Variants in ANKAR observed in about 807,000 individuals in gnomAD.
ANKAR encodes ankyrin and armadillo repeat containing, also known as ankyrin and armadillo repeat-containing protein.
A neutral mutation model predicts 146.2 loss-of-function variants in ANKAR; 136 were observed. The ratio of observed to expected loss-of-function variants is 0.93; its 90% CI spans 0.81 to 1.07. ANKAR has a LOEUF of 1.07. Among genes scored for constraint, ANKAR ranks in the 50% least tolerant of loss-of-function variants. The pLI, the probability that ANKAR is intolerant of heterozygous loss-of-function variation, is 0.00. For missense variants in ANKAR, 1,567 were observed against 1,679.9 expected (o/e 0.93, Z 1.18); for synonymous variants, 500 against 575.8 (o/e 0.87, Z 1.88).
Position 189,686,390 on chromosome 2 carries a change from CTATT to C in ANKAR, c.602-3135_602-3132del, listed in dbSNP as rs371014857. On this transcript the variant is annotated intron_variant, in intron 2 of 22. Coordinates refer to ENST00000684021, the MANE Select transcript of ANKAR (RefSeq NM_001378068.1). ...TGTAGATATAACTATCTTAAAAAGA[CTATT>C]TGACAAGAAGAAAGTCCTCAATTTC... Among the ~76,000 whole-genome samples, 14 of 152,252 alleles carry C rather than the reference CTATT, an allele frequency of 9.2e-5. No individual in the cohort carries two copies. In the South Asian group the frequency reaches 2.9e-3, roughly 32 times the overall value.
At position 189,689,848 on chromosome 2, in the gene ANKAR, A is replaced by G. The variant is rs564777825; in HGVS notation, c.923A>G (p.Asp308Gly). Residue 308 changes from aspartate to glycine, a missense_variant, in exon 3 of 23, where the codon GAT becomes GGT. Asp to Gly is a moderately conservative substitution (Grantham distance 94, BLOSUM62 -1). Coordinates refer to ENST00000684021, the MANE Select transcript of ANKAR (RefSeq NM_001378068.1). ...IIQKHFEKKK[D>G]IRRGIGYLKL... is the part of the protein sequence containing the mutation. ...CAAAAACACTTTGAGAAGAAAAAAGATATCAGAAGAGGGATAGGATACCTA... is the reference window on the plus strand; with the variant it reads ...CAAAAACACTTTGAGAAGAAAAAAGGTATCAGAAGAGGGATAGGATACCTA... 1.3e-4 allele frequency: 208 copies of G among 1,603,954 alleles called. No homozygotes were observed. In the East Asian group the frequency reaches 4.6e-3, roughly 35 times the overall value.
intron 2 of ANKAR, among the ~76,000 whole-genome samples, chr2:189,680,395 G>C (rs1310876893): frequency 2.0e-5 from 3 of 151,654 alleles, no homozygotes; most frequent in African/African-American, 7.3e-5. Flanking sequence ...CCAGCTTTTT[G>C]TTTCATTTAT....
At position 189,745,027 on chromosome 2, in the gene ANKAR, C is replaced by CTAATAATAATAA. The variant is rs1553537043; in HGVS notation, c.4057+247_4057+248insATAATAATAATA. On this transcript the variant is annotated intron_variant, in intron 22 of 22. Coordinates refer to ENST00000684021, the MANE Select transcript of ANKAR (RefSeq NM_001378068.1). ...ACTACTACTACTACTACTACTACTA[C>CTAATAATAATAA]TAATAATACAAAAATTAGCCAGGCA... Among the ~76,000 whole-genome samples, 47 of 131,072 alleles carry CTAATAATAATAA rather than the reference C, an allele frequency of 3.6e-4. 2 individuals carry two copies. Among genetic ancestry groups the CTAATAATAATAA allele is most frequent in the Admixed American group, 8.9e-4 (11 of 12,292 alleles). 86.0% of individuals were successfully genotyped at this position (131,072 alleles called of 152,430 possible). A position where few individuals can be genotyped will look rare whatever the true frequency, so the allele number is the denominator to read the frequency against.
At chr2:189,745,021 CTACTACTAA>C (rs1206109448) in intron 22 of ANKAR, among the ~76,000 whole-genome samples, 1 of 41,098 alleles carries the variant, frequency 2.4e-5, no homozygotes, top group Non-Finnish European at 8.9e-5. Flanking sequence ...ACTACTACTA[CTACTACTAA>C]TAATACAAAA....
chr2:189,695,431 C>T (rs1219552616), intron 6 of ANKAR, among the ~76,000 whole-genome samples: 1 of 152,154 alleles, frequency 6.6e-6, no homozygotes, highest in Non-Finnish European at 1.5e-5. Flanking sequence ...TATTATAAAT[C>T]AATGAACTCT....
downstream of ANKAR, chr2:189,750,468 T>A: frequency 1.7e-6 from 1 of 587,974 alleles, no homozygotes; most frequent in Non-Finnish European, 3.0e-6. Flanking sequence ...AAAAATAAAA[T>A]CTTGATGAAT....
intron 2 of ANKAR, among the ~76,000 whole-genome samples, chr2:189,687,501 C>T (rs777411696): frequency 2.6e-5 from 4 of 152,076 alleles, no homozygotes; most frequent in Admixed American, 6.6e-5. Context: ...CTGTATCATA[C>T]GGTAGCTATA....
chr2:189,755,202 C>A (rs1190889821), intron 18 of ANKAR: 2 of 1,611,594 alleles, frequency 1.2e-6, no homozygotes, highest in Admixed American at 1.7e-5. Context: ...GGTGCTATGT[C>A]CAAAGACTTT....
rs10578902 is a variant in ANKAR, at chr2:189,704,544, CATATATATATATATATATATATATATAT to C, written c.1709-453_1709-426del. ...TTAGTGACATTGAGGCCTTTGTTAA[CATATATATATATATATATATATATATAT>C]ATATATATATATATATATATATATA... On this transcript the variant is annotated intron_variant, in intron 7 of 22. Transcript: ENST00000684021. Among the ~76,000 whole-genome samples the C allele has an allele frequency of 4.3e-3, 158 of 36,466 alleles. 2 individuals are homozygous for C. The highest frequency in any genetic ancestry group is 0.042 in the Middle Eastern group (2 of 48). The allele number at this position is 36,466 out of a possible 152,430, so 23.9% of individuals were successfully genotyped here.
chr2:189,696,017 A>C (rs2037146159), intron 6 of ANKAR, 133 bp from the exon 7 acceptor site: 1 of 716,178 alleles, frequency 1.4e-6, no homozygotes, highest in Admixed American at 3.0e-5. Context: ...CTTTCCATGC[A>C]TGGATCTTGT....
chr2:189,748,466 C>G (rs1252575937), downstream of ANKAR, among the ~76,000 whole-genome samples: 1 of 152,192 alleles, frequency 6.6e-6, no homozygotes, highest in Non-Finnish European at 1.5e-5. Context: ...TCAAGTGATC[C>G]TCCTCCCTTG....
At chr2:189,678,737 G>A (rs1483469694) in intron 2 of ANKAR, among the ~76,000 whole-genome samples, 5 of 152,140 alleles carry the variant, frequency 3.3e-5, no homozygotes, top group Non-Finnish European at 5.9e-5. Flanking sequence ...TTGCCCATAA[G>A]TACTTGGTTT....
chr2:189,680,123 CTTGTTA>C (rs950777243), intron 2 of ANKAR, among the ~76,000 whole-genome samples: 7 of 152,236 alleles, frequency 4.6e-5, no homozygotes, highest in Middle Eastern at 3.4e-3. Context: ...AAGCTCTCTA[CTTGTTA>C]TTGGTCTGTT....
chr2:189,720,267 T>C (rs559931535), intron 11 of ANKAR, among the ~76,000 whole-genome samples: 1 of 152,292 alleles, frequency 6.6e-6, no homozygotes, highest in East Asian at 1.9e-4. Context: ...CTTTTTTTTT[T>C]TGAAACAGTC....
intron 4 of ANKAR, chr2:189,692,825 A>T (rs2036623370): frequency 3.7e-6 from 1 of 270,254 alleles, no homozygotes; most frequent in Non-Finnish European, 6.9e-6. Flanking sequence ...TTCACCTGGA[A>T]TTTAGTATAA....
chr2:189,694,290 T>C (rs1043033286), intron 5 of ANKAR, among the ~76,000 whole-genome samples: 5 of 151,946 alleles, frequency 3.3e-5, no homozygotes, highest in African/African-American at 1.2e-4. Context: ...GAAACCCAGG[T>C]AATATTAAGA....
chr2:189,734,400 A>G (rs1452636479), intron 17 of ANKAR, among the ~76,000 whole-genome samples: 1 of 152,250 alleles, frequency 6.6e-6, no homozygotes, highest in Non-Finnish European at 1.5e-5. Flanking sequence ...GTATTCAACT[A>G]TAAAGAAGAT....
Position 189,677,032 on chromosome 2 carries a change from T to A in ANKAR, c.542T>A (p.Ile181Asn). Residue 181 changes from isoleucine (I) to asparagine (N), a missense_variant, in exon 2 of 23, where the codon ATT (isoleucine) becomes AAT (asparagine). Physicochemically the swap from Ile to Asn is moderately radical, Grantham distance 149. Coordinates refer to ENST00000684021, the MANE Select transcript of ANKAR (RefSeq NM_001378068.1). ...GAATTGTGGCGTGCCATCATGGACA[T>A]TGATCCTGATGGAAAACCTCAAACA... ...FSELWRAIMDIDPDGKPQTNK... is the reference protein window; with the variant it reads ...FSELWRAIMDNDPDGKPQTNK... 6.2e-7 allele frequency: 1 copy of A among 1,604,086 alleles called. No homozygotes were observed. The highest frequency in any genetic ancestry group is 8.5e-7 in the Non-Finnish European group (1 of 1,177,104).
chr2:189,727,791 T>A (rs577183571), intron 12 of ANKAR, 65 bp from the exon 13 acceptor site: 1 of 1,548,376 alleles, frequency 6.5e-7, no homozygotes, highest in African/African-American at 1.4e-5. Flanking sequence ...ACTAATGATA[T>A]GCTGCACTTT....
Sources: gnomAD v4.1 joint callset for allele counts (sites outside exome capture counted in the v4.1 genomes callset) on GRCh38, gnomAD v4.1.1 for gene constraint, MANE v1.5 for transcripts, NCBI Gene and HGNC (gene_info 2026-07-23, HGNC 2026-07-21) for gene names.